HUWE1: variants seen among roughly 807,000 people sequenced by gnomAD.
HUWE1 encodes HECT, UBA and WWE domain containing E3 ubiquitin protein ligase 1, also known as E3 ubiquitin-protein ligase HUWE1.
A neutral mutation model predicts 299.4 loss-of-function variants in HUWE1; 18 were observed. The ratio of observed to expected loss-of-function variants is 0.06; its 90% CI spans 0.04 to 0.09. HUWE1 has a LOEUF of 0.09. Ranked by LOEUF, HUWE1 falls within the 10% of genes least tolerant of loss-of-function variation. The pLI, the probability that HUWE1 is intolerant of heterozygous loss-of-function variation, is 1.00. For synonymous variants in HUWE1, 1,317 were observed against 1,286.1 expected, an observed-to-expected ratio of 1.02 and a Z score of -0.51; for missense variants, 1,832 against 3,462.3, an observed-to-expected ratio of 0.53 and a Z score of 11.82.
chrX:53,562,615 C>A (rs148507698), intron 53 of HUWE1, among the ~76,000 whole-genome samples: 1 of 111,795 alleles, frequency 8.9e-6, no homozygotes, highest in Non-Finnish European at 1.9e-5. Flanking sequence ...GAGAAGAAAG[C>A]GAACCAAGTA....
chrX:53,583,786 G>A lies in HUWE1; in HGVS notation c.5292C>T (p.Ser1764=), dbSNP rs139040592. The change falls in exon 42 of 84, where the codon AGC becomes AGT. Residue 1764 remains serine, a synonymous_variant. Coordinates refer to ENST00000262854, the MANE Select transcript of HUWE1 (RefSeq NM_031407.7). ...MVTVLIRACV[S]MLGVPVDPDT... is the part of the protein sequence containing the mutation. ...CTGGGTCCACAGGGACTCCCAGCATGCTCACGCAGGCCCGGATTAAAACAG... is the reference window on the plus strand; with the variant it reads ...CTGGGTCCACAGGGACTCCCAGCATACTCACGCAGGCCCGGATTAAAACAG... 8.3e-7 allele frequency: 1 copy of A among 1,208,822 alleles called. No individual in the cohort carries two copies. The highest frequency in any genetic ancestry group is 1.1e-6 in the Non-Finnish European group (1 of 893,554).
chrX:53,646,465 G>A (rs1351517679), intron 6 of HUWE1, among the ~76,000 whole-genome samples: 6 of 111,496 alleles, frequency 5.4e-5, no homozygotes, highest in Non-Finnish European at 9.4e-5. Flanking sequence ...GCCTTACTTT[G>A]GCTTTTAAAT....
rs782555680 is a variant in HUWE1, at chrX:53,607,664, T to C, written c.2355A>G (p.Thr785=). 11 of 1,207,186 alleles carry C rather than the reference T, an allele frequency of 9.1e-6. No homozygotes were observed. The highest frequency in any genetic ancestry group is 1.2e-5 in the Non-Finnish European group (11 of 892,561). The change falls in exon 25 of 84, where the codon ACA becomes ACG. Residue 785 remains threonine, a synonymous_variant. Transcript: ENST00000262854. The part of the protein sequence containing the change: ...KFVESILSNN[T]TDDHCQEFVN... ...CAAATTCCTGGCAGTGGTCATCTGT[T>C]GTATTGTTGCTCAGAATAGATTCCA...
chrX:53,622,944 A>G lies in HUWE1; in HGVS notation c.1672+1651T>C, dbSNP rs180828652. On this transcript the variant is annotated intron_variant, in intron 19 of 83. Transcript: ENST00000262854. ...TCTAATTATTTAGGTTTCGCTTTGC[A>G]AATTTGTTCTCTCTCAAGTACAAGT... Among the ~76,000 whole-genome samples, 33 of 112,099 alleles carry G rather than the reference A, an allele frequency of 2.9e-4. 1 individual carries two copies. The East Asian group carries it at 7.0e-3, about 24-fold the overall frequency.
At chrX:53,655,744 T>C (rs886091672) in intron 3 of HUWE1, among the ~76,000 whole-genome samples, 2 of 111,691 alleles carry the variant, frequency 1.8e-5, no homozygotes, top group Non-Finnish European at 3.8e-5. Context: ...GCAGGGAGGC[T>C]ATTAAACTGC....
At chrX:53,606,098 A>G (rs782197508) in intron 25 of HUWE1, among the ~76,000 whole-genome samples, 59 of 112,233 alleles carry the variant, frequency 5.3e-4, no homozygotes, top group African/African-American at 1.9e-3. Context: ...CAACAAAAAC[A>G]AAAAAAGAGA....
chrX:53,664,715 A>G (rs1355120743), intron 3 of HUWE1, among the ~76,000 whole-genome samples: 3 of 111,923 alleles, frequency 2.7e-5, no homozygotes, highest in African/African-American at 9.7e-5. Context: ...CTTTTGCCTT[A>G]TAGTCTCTGA....
At chrX:53,535,616 T>G in intron 80 of HUWE1, 115 bp from the exon 81 acceptor site, 1 of 550,731 alleles carries the variant, frequency 1.8e-6, no homozygotes, top group Non-Finnish European at 3.2e-6. Flanking sequence ...ATGAGGCAAG[T>G]CCATACAAAA....
At chrX:53,624,389 C>T (rs782032612) in intron 19 of HUWE1, among the ~76,000 whole-genome samples, 4 of 111,961 alleles carry the variant, frequency 3.6e-5, no homozygotes, top group African/African-American at 6.5e-5. Flanking sequence ...CCCAGCTACT[C>T]GGGAGGCTGA....
At chrX:53,562,381 C>G (rs1461475130) in intron 53 of HUWE1, 137 bp from the exon 54 acceptor site, 1 of 814,986 alleles carries the variant, frequency 1.2e-6, no homozygotes, top group East Asian at 3.5e-5. Context: ...GGGTGATGTA[C>G]AGACTTAGTG....
chrX:53,583,988 AG>A, intron 41 of HUWE1, 72 bp from the exon 42 acceptor site: 5 of 919,024 alleles, frequency 5.4e-6, no homozygotes, highest in Non-Finnish European at 7.8e-6. Flanking sequence ...CTCCCTCCTA[AG>A]TAATTGGCCA....
chrX:53,654,460 A>C (rs11797695), intron 3 of HUWE1, among the ~76,000 whole-genome samples: 1,265 of 111,782 alleles, frequency 0.011, 4 homozygotes, highest in Non-Finnish European at 0.019. Flanking sequence ...TCAGGATGGA[A>C]AAATTCACCA....
chrX:53,563,651 T>C, intron 52 of HUWE1, 95 bp downstream of exon 52: 1 of 984,425 alleles, frequency 1.0e-6, no homozygotes, highest in South Asian at 2.0e-5. Flanking sequence ...TATGAGCCCT[T>C]AGGCAGAGCT....
chrX:53,546,616 G>A (rs1556923108), intron 69 of HUWE1, 24 bp from the exon 70 acceptor site: 1 of 1,209,307 alleles, frequency 8.3e-7, no homozygotes, highest in South Asian at 1.8e-5. Context: ...GACAGAAGGA[G>A]TAAGCCCCAG....
At chrX:53,611,672 A>G (rs782135784) in intron 23 of HUWE1, among the ~76,000 whole-genome samples, 2 of 110,421 alleles carry the variant, frequency 1.8e-5, no homozygotes, top group South Asian at 3.9e-4. Context: ...TTTGAGGCCA[A>G]CATGGCAAAA....
intron 38 of HUWE1, 84 bp from the exon 39 acceptor site, chrX:53,586,655 C>T: frequency 9.3e-7 from 1 of 1,078,170 alleles, no homozygotes; most frequent in Non-Finnish European, 1.3e-6. Flanking sequence ...TCAGATGCTT[C>T]CTTTATAATT....
At chrX:53,679,494 G>A (rs1346393190) in intron 3 of HUWE1, among the ~76,000 whole-genome samples, 2 of 112,133 alleles carry the variant, frequency 1.8e-5, no homozygotes, top group Non-Finnish European at 3.8e-5. Flanking sequence ...GTGGTTAGAA[G>A]TATAGATGAA....
intron 24 of HUWE1, among the ~76,000 whole-genome samples, chrX:53,608,450 A>G (rs1476310000): frequency 1.8e-5 from 2 of 112,245 alleles, no homozygotes; most frequent in East Asian, 5.6e-4. Flanking sequence ...TTATTTTTGA[A>G]TATTTGCATT....
rs1401162266 is a variant in HUWE1 at position 53,665,792 on chromosome X, C to A, written c.-24-11661G>T. On this transcript the variant is annotated intron_variant, in intron 3 of 83. Transcript: ENST00000262854. Reference sequence around the variant, plus strand: ...AAATTAAGCAGGAGAGGAACAGACTCCTTGTCTACACATTTTAAATTGGTA... The same window carrying A: ...AAATTAAGCAGGAGAGGAACAGACTACTTGTCTACACATTTTAAATTGGTA... Among the ~76,000 whole-genome samples, 4 of 112,212 alleles carry A rather than the reference C, an allele frequency of 3.6e-5. No individual in the cohort carries two copies. The East Asian group carries it at 1.1e-3, about 31-fold the overall frequency.
Sources: gnomAD v4.1 joint callset for allele counts (sites outside exome capture counted in the v4.1 genomes callset) on GRCh38, gnomAD v4.1.1 for gene constraint, MANE v1.5 for transcripts, NCBI Gene and HGNC (gene_info 2026-07-23, HGNC 2026-07-21) for gene names.